The following CCSER1 variants were observed in gnomAD, a reference collection of about 807,000 sequenced individuals.
The protein encoded by CCSER1 is coiled-coil serine rich protein 1.
CCSER1 carries 41 observed loss-of-function variants against 82.0 expected under a neutral mutation model. The ratio of observed to expected loss-of-function variants is 0.50; its 90% confidence interval spans 0.39 to 0.65. CCSER1 has a LOEUF of 0.65. Among genes scored for constraint, CCSER1 ranks in the 30% least tolerant of loss-of-function variants. The probability of loss-of-function intolerance (pLI) is 0.00; values close to 1 mark genes in which losing one functional copy is unlikely to be tolerated. For synonymous variants in CCSER1, 414 were observed against 383.9 expected, an observed-to-expected ratio of 1.08 and a Z score of -0.92; for missense variants, 1,119 against 1,064.2, an observed-to-expected ratio of 1.05 and a Z score of -0.72.
chr4:91,193,483 A>G (rs1327249308), intron 10 of CCSER1, among the ~76,000 whole-genome samples: 1 of 152,180 alleles, frequency 6.6e-6, no homozygotes, highest in Non-Finnish European at 1.5e-5. Flanking sequence ...GCACTCTGTT[A>G]TAATCTTAGA....
At chr4:90,711,923 A>G (rs1161470696) in intron 6 of CCSER1, among the ~76,000 whole-genome samples, 3 of 151,662 alleles carry the variant, frequency 2.0e-5, no homozygotes. Context: ...TTTTCTTTGT[A>G]CCTCTGGTAG....
chr4:91,590,151 C>T (rs1476194073), intron 10 of CCSER1, among the ~76,000 whole-genome samples: 1 of 151,986 alleles, frequency 6.6e-6, no homozygotes, highest in Non-Finnish European at 1.5e-5. Context: ...TCATGCATGT[C>T]TTCTAACCCT....
At chr4:90,539,402 A>G (rs1275252111) in intron 5 of CCSER1, among the ~76,000 whole-genome samples, 1 of 152,088 alleles carries the variant, frequency 6.6e-6, no homozygotes. Flanking sequence ...ATTCTAGATT[A>G]AACTCAGACT....
intron 5 of CCSER1, among the ~76,000 whole-genome samples, chr4:90,562,019 T>C (rs1778820211): frequency 6.6e-6 from 1 of 151,588 alleles, no homozygotes; most frequent in African/African-American, 2.4e-5. Context: ...TGAAACCCCG[T>C]CTCTACTAAA....
intron 8 of CCSER1, among the ~76,000 whole-genome samples, chr4:90,829,481 T>C (rs1760870330): frequency 6.6e-6 from 1 of 152,128 alleles, no homozygotes; most frequent in African/African-American, 2.4e-5. Flanking sequence ...CCTATATTGA[T>C]GAAAGTATTG....
At chr4:90,917,458 G>A (rs1410759679) in intron 8 of CCSER1, among the ~76,000 whole-genome samples, 1 of 152,070 alleles carries the variant, frequency 6.6e-6, no homozygotes, top group Non-Finnish European at 1.5e-5. Context: ...GGTGGGAATT[G>A]AACAATGAGA....
chr4:90,392,681 T>A (rs182290109), intron 3 of CCSER1, among the ~76,000 whole-genome samples: 13,665 of 152,158 alleles, frequency 0.09, 1,150 homozygotes, highest in African/African-American at 0.23. Flanking sequence ...TAATGGGACT[T>A]GCCTCCAGAG....
At chr4:90,709,671 A>G (rs376725329) in intron 6 of CCSER1, among the ~76,000 whole-genome samples, 3 of 152,060 alleles carry the variant, frequency 2.0e-5, no homozygotes, top group African/African-American at 7.2e-5. Context: ...CATTTTCTTT[A>G]TTCAGTCTAT....
intron 4 of CCSER1, among the ~76,000 whole-genome samples, chr4:90,418,159 T>C (rs1226868840): frequency 6.6e-6 from 1 of 152,152 alleles, no homozygotes; most frequent in Non-Finnish European, 1.5e-5. Context: ...ATGATGTATC[T>C]ACCTCATAAA....
At position 91,106,137 on chromosome 4, in the gene CCSER1, G is replaced by A. The variant is rs375928576; in HGVS notation, c.2217+20143G>A. 2.2e-4 allele frequency among the ~76,000 whole-genome samples: 34 copies of A among 152,220 alleles called. 1 individual carries two copies. In the South Asian group the frequency reaches 5.6e-3, roughly 25 times the overall value. Reference sequence around the variant, plus strand: ...TAGAAAAACAGGGTCCTGTCTCTTCGCCATAAAAAATGAGTTAGCATTTAC... The same window carrying A: ...TAGAAAAACAGGGTCCTGTCTCTTCACCATAAAAAATGAGTTAGCATTTAC... On this transcript the variant is annotated intron_variant, in intron 10 of 10. Transcript: ENST00000509176.
intron 10 of CCSER1, among the ~76,000 whole-genome samples, chr4:91,221,927 A>G (rs991386122): frequency 1.3e-5 from 2 of 152,168 alleles, no homozygotes; most frequent in Non-Finnish European, 2.9e-5. Flanking sequence ...GGAAATTGTT[A>G]AATAAATAAA....
At chr4:90,915,892 C>T (rs993181020) in intron 8 of CCSER1, among the ~76,000 whole-genome samples, 31 of 151,962 alleles carry the variant, frequency 2.0e-4, no homozygotes, top group Admixed American at 2.0e-3. Flanking sequence ...AGAGCCAAAT[C>T]ATGAGTGAAC....
intron 10 of CCSER1, among the ~76,000 whole-genome samples, chr4:91,552,561 G>A (rs955936997): frequency 6.6e-6 from 1 of 151,480 alleles, no homozygotes; most frequent in African/African-American, 2.4e-5. Flanking sequence ...CAGTGTATTT[G>A]GACAGTGGCC....
chr4:91,538,698 C>CATATATTATATATATATATATATAAT, intron 10 of CCSER1, among the ~76,000 whole-genome samples: 32 of 138,324 alleles, frequency 2.3e-4, no homozygotes, highest in African/African-American at 8.2e-4. Context: ...TATATATACA[C>CATATATTATATATATATATATATAAT]ATATATATAT....
intron 9 of CCSER1, among the ~76,000 whole-genome samples, chr4:91,081,265 GA>G (rs918711204): frequency 2.6e-5 from 4 of 151,164 alleles, no homozygotes; most frequent in African/African-American, 9.8e-5. Flanking sequence ...TATGCAAATC[GA>G]TAAACGTAAT....
intron 1 of CCSER1, among the ~76,000 whole-genome samples, chr4:90,163,905 A>T (rs1279021267): frequency 6.6e-6 from 1 of 152,190 alleles, no homozygotes; most frequent in Non-Finnish European, 1.5e-5. Context: ...TGGCTTTGGC[A>T]TACTGAAAAG....
intron 5 of CCSER1, among the ~76,000 whole-genome samples, chr4:90,550,529 C>A (rs933841440): frequency 6.6e-6 from 1 of 151,976 alleles, no homozygotes; most frequent in African/African-American, 2.4e-5. Flanking sequence ...TCCATTTAAA[C>A]TATCACAAAT....
At chr4:91,463,620 A>G (rs7436835) in intron 10 of CCSER1, among the ~76,000 whole-genome samples, 2 of 151,828 alleles carry the variant, frequency 1.3e-5, no homozygotes, top group Non-Finnish European at 2.9e-5. Context: ...AGATTAGACG[A>G]ATGGCTAATT....
chr4:90,916,035 A>G (rs1727337141), intron 8 of CCSER1, among the ~76,000 whole-genome samples: 1 of 152,178 alleles, frequency 6.6e-6, no homozygotes, highest in African/African-American at 2.4e-5. Flanking sequence ...AAATGGAAGA[A>G]CATTCCATGC....
Sources: allele counts gnomAD v4.1 joint callset (sites outside exome capture counted in the v4.1 genomes callset), GRCh38; gene constraint gnomAD v4.1.1; transcripts MANE v1.5; gene names NCBI Gene and HGNC (gene_info 2026-07-23, HGNC 2026-07-21).